The following SATB1 variants were observed in gnomAD, a reference collection of about 807,000 sequenced individuals.
The protein encoded by SATB1 is DNA-binding protein SATB1.
In SATB1, 11 loss-of-function variants were observed where a neutral mutation model predicts 86.9. The observed-to-expected ratio is 0.13, with a 90% CI of 0.08 to 0.21. The LOEUF is 0.21. SATB1 is among the 10% of genes least tolerant of loss of function. The pLI, the probability that SATB1 is intolerant of heterozygous loss-of-function variation, is 1.00. For synonymous variants in SATB1, 357 were observed against 357.2 expected, an observed-to-expected ratio of 1.00 and a Z score of 0.01; for missense variants, 551 against 937.6, an observed-to-expected ratio of 0.59 and a Z score of 5.39.
At chr3:18,370,740 G>A (rs567249035) in intron 9 of SATB1, among the ~76,000 whole-genome samples, 1 of 151,824 alleles carries the variant, frequency 6.6e-6, no homozygotes, top group South Asian at 2.1e-4. Flanking sequence ...CATTCTTCCT[G>A]TTGAACAGAA....
At chr3:18,379,248 G>T (rs942550672) in intron 8 of SATB1, among the ~76,000 whole-genome samples, 3 of 152,140 alleles carry the variant, frequency 2.0e-5, no homozygotes, top group African/African-American at 7.2e-5. Flanking sequence ...TATAATTCAT[G>T]TTTAAAACTC....
At chr3:18,359,613 C>T (rs1036894263) in intron 9 of SATB1, among the ~76,000 whole-genome samples, 7 of 151,884 alleles carry the variant, frequency 4.6e-5, no homozygotes, top group African/African-American at 1.4e-4. Flanking sequence ...AAATAAAATT[C>T]TGGCTTATAT....
Position 18,394,441 on chromosome 3 carries a change from CACTTATGAAACACA to C in SATB1, c.1206+7_1206+20del. The stretch of plus-strand genomic sequence containing the variant: ...GAGAAAATAGGAGACAGCACAGAAC[CACTTATGAAACACA>C]ACTGACCTGAGTTCTGTTAAAAGCC... On this transcript the variant is annotated splice_region_variant and intron_variant, in intron 7 of 10. Coordinates refer to ENST00000338745, the MANE Select transcript of SATB1 (RefSeq NM_002971.6). The surrounding 1 kb of genome is among the most constrained non-coding windows in gnomAD (Gnocchi z 5.9). The C allele has an allele frequency of 6.2e-7, 1 of 1,604,946 alleles. No individual in the cohort carries two copies. The highest frequency in any genetic ancestry group is 1.1e-5 in the South Asian group (1 of 90,886).
At chr3:18,445,221 G>A in intron 1 of SATB1, 1 of 981,738 alleles carries the variant, frequency 1.0e-6, no homozygotes, top group Non-Finnish European at 1.2e-6. Flanking sequence ...TTCTCCCCCT[G>A]GCGGTGGGAG....
At chr3:18,418,047 T>C (rs930734241) in intron 2 of SATB1, among the ~76,000 whole-genome samples, 1 of 152,146 alleles carries the variant, frequency 6.6e-6, no homozygotes, top group African/African-American at 2.4e-5. Flanking sequence ...AGACTTCCAA[T>C]GATAACGGAA....
chr3:18,379,453 T>A (rs1012841613), intron 8 of SATB1, among the ~76,000 whole-genome samples: 2 of 152,060 alleles, frequency 1.3e-5, no homozygotes, highest in Non-Finnish European at 2.9e-5. Context: ...CAGGTTTCTA[T>A]CCTCTAGAAA....
At chr3:18,430,110 GCCC>G (rs1329855609), upstream of SATB1, among the ~76,000 whole-genome samples, 2 of 152,110 alleles carry the variant, frequency 1.3e-5, no homozygotes, top group African/African-American at 2.4e-5. Context: ...GTGCTCAATA[GCCC>G]CATGTGACTA....
chr3:18,438,035 G>T (rs1699122573), intron 1 of SATB1, among the ~76,000 whole-genome samples: 1 of 152,108 alleles, frequency 6.6e-6, no homozygotes, highest in Non-Finnish European at 1.5e-5. Flanking sequence ...TTATGGATAT[G>T]CTATATTCAA....
chr3:18,445,096 C>A, intron 1 of SATB1: 1 of 537,320 alleles, frequency 1.9e-6, no homozygotes, highest in Non-Finnish European at 2.4e-6. Flanking sequence ...GGACCGGGCA[C>A]GCTGCGCCCG....
At chr3:18,398,282 C>CAT (rs1697066818) in intron 5 of SATB1, among the ~76,000 whole-genome samples, 2 of 152,030 alleles carry the variant, frequency 1.3e-5, no homozygotes. Flanking sequence ...ATTCATGGTC[C>CAT]ATATTAACCT....
In SATB1 at chr3:18,416,942, C is replaced by G. The variant is rs1455638302; in HGVS notation, c.348G>C (p.Leu116=). 1.2e-6 allele frequency: 2 copies of G among 1,613,528 alleles called. No homozygotes were observed. Among genetic ancestry groups the G allele is most frequent in the Non-Finnish European group, 1.7e-6 (2 of 1,179,634 alleles). ...CAGAGCTATGTGAATAACCTAGAGA[C>G]AGCAATGCCATTTCGATCAGCTGGT... ...LFNQLIEMAL[L]SLGYSHSSAA... Residue 116 remains leucine, a synonymous_variant, in exon 3 of 11, where the codon CTG becomes CTC. Coordinates refer to ENST00000338745, the MANE Select transcript of SATB1 (RefSeq NM_002971.6).
intron 9 of SATB1, among the ~76,000 whole-genome samples, chr3:18,377,676 T>A (rs1452249569): frequency 6.6e-6 from 1 of 152,128 alleles, no homozygotes; most frequent in Non-Finnish European, 1.5e-5. Flanking sequence ...CAGTTTGTCT[T>A]AATAAGTGTA....
upstream of SATB1, among the ~76,000 whole-genome samples, chr3:18,440,455 A>AGCC (rs781705710): frequency 3.9e-5 from 6 of 152,204 alleles, no homozygotes; most frequent in Non-Finnish European, 8.8e-5. Context: ...ATGGAGACAG[A>AGCC]GCCGTTATTT....
At chr3:18,376,144 A>C (rs1695738091) in intron 9 of SATB1, among the ~76,000 whole-genome samples, 1 of 152,126 alleles carries the variant, frequency 6.6e-6, no homozygotes, top group Non-Finnish European at 1.5e-5. Context: ...AGTTGCTGCT[A>C]CTATCTAAAT....
At chr3:18,390,541 G>C (rs1481652734) in intron 7 of SATB1, among the ~76,000 whole-genome samples, 1 of 152,108 alleles carries the variant, frequency 6.6e-6, no homozygotes, top group Non-Finnish European at 1.5e-5. Context: ...ATAGTGATAT[G>C]GATAGTGGAC....
rs968961898 is a variant in SATB1 at position 18,434,413 on chromosome 3, G to A, written c.-25+2376C>T. Among the ~76,000 whole-genome samples the A allele has an allele frequency of 4.6e-5, 7 of 151,604 alleles. 1 individual carries two copies. The South Asian group carries it at 1.5e-3, about 32-fold the overall frequency. On this transcript the variant is annotated intron_variant, in intron 2 of 3. Transcript: ENST00000414509. ...TATATATATATAAAATATACACATA[G>A]CATAACATTTTTATATGTACACAGA...
chr3:18,378,430 A>T, intron 8 of SATB1, 105 bp from the exon 9 acceptor site: 4 of 1,128,184 alleles, frequency 3.5e-6, no homozygotes, highest in Non-Finnish European at 5.2e-6. Flanking sequence ...TTTTATGATC[A>T]AGGTGATCAA....
chr3:18,362,069 T>A (rs566058011), intron 9 of SATB1, among the ~76,000 whole-genome samples: 2 of 152,164 alleles, frequency 1.3e-5, no homozygotes, highest in East Asian at 3.9e-4. Flanking sequence ...ATCTAACTTT[T>A]CTTGTCTGTC....
intron 9 of SATB1, among the ~76,000 whole-genome samples, chr3:18,362,881 A>AAAAACAAC (rs373536891): frequency 9.2e-6 from 1 of 108,184 alleles, no homozygotes; most frequent in Non-Finnish European, 1.9e-5. Flanking sequence ...AAAAAAAAAA[A>AAAAACAAC]CCAAAACCCC....
Sources: allele counts gnomAD v4.1 joint callset (sites outside exome capture counted in the v4.1 genomes callset), GRCh38; gene constraint gnomAD v4.1.1; non-coding constraint Gnocchi (gnomAD v3.1); transcripts MANE v1.5; gene names NCBI Gene and HGNC (gene_info 2026-07-23, HGNC 2026-07-21).